ABLIM2: variants seen among roughly 807,000 people sequenced by gnomAD.
The protein encoded by ABLIM2 is actin-binding LIM protein 2.
Under a neutral mutation model 97.7 loss-of-function variants are expected in ABLIM2, and 53 were observed. That is an observed-to-expected ratio of 0.54 (90% confidence interval 0.44 to 0.68). The LOEUF is 0.68. ABLIM2 is among the 30% of genes least tolerant of loss of function. The pLI is 0.00. For missense variants in ABLIM2, 835 were observed against 867.2 expected (o/e 0.96, Z 0.47); for synonymous variants, 361 against 345.8 (o/e 1.04, Z -0.49).
intron 1 of ABLIM2, among the ~76,000 whole-genome samples, chr4:8,154,266 A>AAACC (rs1714419596): frequency 4.0e-5 from 5 of 126,446 alleles, no homozygotes; most frequent in South Asian, 2.6e-4. Context: ...CCAGCCACTT[A>AAACC]TTTTCTTTTC....
Position 7,992,534 on chromosome 4 carries a change from G to A in ABLIM2, c.1680+332C>T, listed in dbSNP as rs1749710128. Among the ~76,000 whole-genome samples, 2 of 152,112 alleles carry A rather than the reference G, an allele frequency of 1.3e-5. No individual in the cohort carries two copies. The highest frequency in any genetic ancestry group is 2.4e-5 in the African/African-American group (1 of 41,422). On this transcript the variant is annotated intron_variant, in intron 17 of 20. Transcript: ENST00000447017. This position sits in a 1 kb window ranked among gnomAD's most constrained non-coding sequence, Gnocchi z 5.7. ...TTGGTTATCAGGCTCTGTGCCATAG[G>A]AGGACGAAGACGGTTAGGAGGGGCA...
At chr4:8,059,682 G>A (rs1350649675) in intron 7 of ABLIM2, among the ~76,000 whole-genome samples, 1 of 151,966 alleles carries the variant, frequency 6.6e-6, no homozygotes. Context: ...CGGGCAGATT[G>A]CCTGAGGTCA....
At position 7,970,264 on chromosome 4, in the gene ABLIM2, C is replaced by A. The variant is rs1726738108; in HGVS notation, c.1825-3161G>T. Among the ~76,000 whole-genome samples the A allele has an allele frequency of 6.6e-6, 1 of 152,022 alleles. No individual in the cohort carries two copies. The stretch of plus-strand genomic sequence containing the variant: ...GGGCGAGGAGAGTTCAGTGCTGGTG[C>A]CTGGGGCAGGCCTCCCTGTGGCCAC... On this transcript the variant is annotated intron_variant, in intron 20 of 20. Transcript: ENST00000447017. This position sits in a 1 kb window ranked among gnomAD's most constrained non-coding sequence, Gnocchi z 5.3.
chr4:8,125,142 C>G lies in ABLIM2; in HGVS notation c.11-18505G>C, dbSNP rs569127448. Among the ~76,000 whole-genome samples, 1 of 152,318 alleles carries G rather than the reference C, an allele frequency of 6.6e-6. No homozygotes were observed. The highest frequency in any genetic ancestry group is 2.1e-4 in the South Asian group (1 of 4,832). ...AGTCCCGTGTCAGCTTGCTAATTTGCAAATATTTTCTCCTATTTTGTGAGT... is the reference window on the plus strand; with the variant it reads ...AGTCCCGTGTCAGCTTGCTAATTTGGAAATATTTTCTCCTATTTTGTGAGT... On this transcript the variant is annotated intron_variant, in intron 1 of 20. Transcript: ENST00000447017. The surrounding 1 kb of genome is among the most constrained non-coding windows in gnomAD (Gnocchi z 6.2).
Position 8,124,439 on chromosome 4 carries a change from T to A in ABLIM2, c.11-17802A>T, listed in dbSNP as rs760825800. 6.6e-6 allele frequency among the ~76,000 whole-genome samples: 1 copy of A among 152,220 alleles called. No homozygotes were observed. Among genetic ancestry groups the A allele is most frequent in the Non-Finnish European group, 1.5e-5 (1 of 68,042 alleles). On this transcript the variant is annotated intron_variant, in intron 1 of 20. Coordinates refer to ENST00000447017, the MANE Select transcript of ABLIM2 (RefSeq NM_001130083.2). This position sits in a 1 kb window ranked among gnomAD's most constrained non-coding sequence, Gnocchi z 6.1. ...ACTCCCGTTTTCCCTCCGCAGCCCC[T>A]GGTAACAACTGGTCTGTCTCTGTGG...
At chr4:8,056,491 G>A (rs1365363393) in intron 7 of ABLIM2, among the ~76,000 whole-genome samples, 1 of 151,448 alleles carries the variant, frequency 6.6e-6, no homozygotes. Flanking sequence ...TGTAGAGATG[G>A]GGTCTCACTA....
chr4:8,121,153 G>C (rs534018493), intron 1 of ABLIM2, among the ~76,000 whole-genome samples: 6 of 152,348 alleles, frequency 3.9e-5, no homozygotes, highest in African/African-American at 1.4e-4. Context: ...CATCTGCAAA[G>C]TGGGACACTG....
intron 1 of ABLIM2, among the ~76,000 whole-genome samples, chr4:8,133,701 A>G (rs1216099399): frequency 6.6e-6 from 1 of 152,188 alleles, no homozygotes; most frequent in Non-Finnish European, 1.5e-5. Flanking sequence ...ACCTGGGTCC[A>G]TGCCCCGGCC....
At chr4:8,107,959 T>C (rs62289385) in intron 1 of ABLIM2, among the ~76,000 whole-genome samples, 15,585 of 152,198 alleles carry the variant, frequency 0.1, 913 homozygotes, top group South Asian at 0.14. Flanking sequence ...AGCCAAGGAA[T>C]GTGGGAGCCT....
intron 20 of ABLIM2, among the ~76,000 whole-genome samples, chr4:7,967,693 T>A (rs1416176675): frequency 6.6e-6 from 1 of 152,168 alleles, no homozygotes; most frequent in East Asian, 1.9e-4. Flanking sequence ...GTGGTCACCG[T>A]GGAAAGGCAC....
At position 8,054,384 on chromosome 4, in the gene ABLIM2, C is replaced by A; in HGVS notation, c.764-138G>T. On this transcript the variant is annotated intron_variant, in intron 7 of 20. Transcript: ENST00000447017. The surrounding 1 kb of genome is among the most constrained non-coding windows in gnomAD (Gnocchi z 4.9). ...CCACCCTCCAAGCGGCCCTGAGCAT[C>A]CTCTCTGTGCTGGAGTTAGTGCCGG... 1.1e-6 allele frequency: 1 copy of A among 884,914 alleles called. No individual in the cohort carries two copies. Among genetic ancestry groups the A allele is most frequent in the Non-Finnish European group, 1.8e-6 (1 of 558,740 alleles). 54.8% of individuals were successfully genotyped at this position (884,914 alleles called of 1,614,324 possible).
At chr4:7,976,037 A>G (rs953652625) in intron 20 of ABLIM2, among the ~76,000 whole-genome samples, 1 of 151,974 alleles carries the variant, frequency 6.6e-6, no homozygotes, top group Non-Finnish European at 1.5e-5. Flanking sequence ...GCCTTAGACC[A>G]CCCACTTCTT....
rs140575003 is a variant in ABLIM2, at chr4:8,086,284, CAAAAA to C, written c.454+1880_454+1884del. ...CTGCCAAGGGTATTTTTGAAAACCT[CAAAAA>C]AAAAAAAAAAAAATCTCAGACAGTG... On this transcript the variant is annotated intron_variant, in intron 4 of 20. Coordinates refer to ENST00000447017, the MANE Select transcript of ABLIM2 (RefSeq NM_001130083.2). 1.0e-3 allele frequency among the ~76,000 whole-genome samples: 134 copies of C among 129,066 alleles called. 1 individual carries two copies. The highest frequency in any genetic ancestry group is 4.0e-3 in the South Asian group (16 of 3,952). The allele number at this position is 129,066 out of a possible 152,430, so 84.7% of individuals were successfully genotyped here.
Position 8,124,734 on chromosome 4 carries a change from C to T in ABLIM2, c.11-18097G>A, listed in dbSNP as rs766991759. On this transcript the variant is annotated intron_variant, in intron 1 of 20. Transcript: ENST00000447017. The surrounding 1 kb of genome is among the most constrained non-coding windows in gnomAD (Gnocchi z 6.1). ...CTATGAACATTCGAGTGTGAATATT[C>T]GTGTGGACATAGGTTTGCATGCTTT... is the stretch of plus-strand genomic sequence containing the variant. Among the ~76,000 whole-genome samples, 15 of 152,132 alleles carry T rather than the reference C, an allele frequency of 9.9e-5. No individual in the cohort carries two copies. The highest frequency in any genetic ancestry group is 1.8e-4 in the Non-Finnish European group (12 of 68,030).
chr4:8,041,976 G>GCAA (rs1481496514), intron 9 of ABLIM2, among the ~76,000 whole-genome samples: 3 of 151,586 alleles, frequency 2.0e-5, no homozygotes, highest in Admixed American at 6.6e-5. Context: ...AACAACAACA[G>GCAA]CAGCAACAAC....
At chr4:8,029,406 G>T (rs1329992084) in intron 11 of ABLIM2, among the ~76,000 whole-genome samples, 2 of 152,156 alleles carry the variant, frequency 1.3e-5, no homozygotes, top group African/African-American at 4.8e-5. Flanking sequence ...TCCACGGAGG[G>T]CTCCGCTAAC....
Position 8,029,773 on chromosome 4 carries a change from C to A in ABLIM2, c.1051G>T (p.Asp351Tyr). ...AGDRQSYGEG[D>Y]QDDRSYKQCR... is the part of the protein sequence containing the mutation. ...TGCTTGTAGGACCGGTCATCCTGAT[C>A]CCCCTGGGAGGGAAGATGCAGCTTG... The change falls in exon 11 of 21, where the codon GAT (aspartate) becomes TAT (tyrosine). Residue 351 changes from aspartate to tyrosine, a missense_variant. By Grantham distance (160) the Asp-to-Tyr change is radical. Coordinates refer to ENST00000447017, the MANE Select transcript of ABLIM2 (RefSeq NM_001130083.2). 5 of 1,570,252 alleles carry A rather than the reference C, an allele frequency of 3.2e-6. No homozygotes were observed. The highest frequency in any genetic ancestry group is 4.3e-6 in the Non-Finnish European group (5 of 1,158,004).
chr4:8,038,262 A>G (rs1184660259), intron 9 of ABLIM2, among the ~76,000 whole-genome samples: 1 of 152,246 alleles, frequency 6.6e-6, no homozygotes, highest in African/African-American at 2.4e-5. Flanking sequence ...TCACAGAGCC[A>G]GGAGGGTGCA....
rs1783724567 is a variant in ABLIM2 at position 8,035,056 on chromosome 4, AGGTG to A, written c.1047+1089_1047+1092del. 2.8e-5 allele frequency among the ~76,000 whole-genome samples: 2 copies of A among 70,474 alleles called. 1 individual carries two copies. Among genetic ancestry groups the A allele is most frequent in the Non-Finnish European group, 6.3e-5 (2 of 31,500 alleles). 46.2% of individuals were successfully genotyped at this position (70,474 alleles called of 152,430 possible). ...TGCAGGTGGGTGATGGGTGGTAGGT[AGGTG>A]GGTGCAGGTGAGTGGGTGGCAGGTA... is the stretch of plus-strand genomic sequence containing the variant. On this transcript the variant is annotated intron_variant, in intron 10 of 20. Coordinates refer to ENST00000447017, the MANE Select transcript of ABLIM2 (RefSeq NM_001130083.2).
Sources: gnomAD v4.1 joint callset for allele counts (sites outside exome capture counted in the v4.1 genomes callset) on GRCh38, gnomAD v4.1.1 for gene constraint, Gnocchi (gnomAD v3.1) non-coding constraint, MANE v1.5 for transcripts, NCBI Gene and HGNC (gene_info 2026-07-23, HGNC 2026-07-21) for gene names.